TMEM132C: variants seen among roughly 807,000 people sequenced by gnomAD.
The protein encoded by TMEM132C is protein phosphatase 1, regulatory subunit 152.
TMEM132C carries 29 observed loss-of-function variants against 61.4 expected under a neutral mutation model. The ratio of observed to expected loss-of-function variants is 0.47; its 90% CI spans 0.35 to 0.64. The LOEUF is 0.64. Ranked by LOEUF, TMEM132C falls within the 30% of genes least tolerant of loss-of-function variation. The probability of loss-of-function intolerance (pLI) is 0.00; values close to 1 mark genes in which losing one functional copy is unlikely to be tolerated. For missense variants in TMEM132C, 1,408 were observed against 1,476.9 expected (o/e 0.95, Z 0.76); for synonymous variants, 656 against 633.1 (o/e 1.04, Z -0.54).
At chr12:128,531,313 A>C (rs961644827) in intron 2 of TMEM132C, among the ~76,000 whole-genome samples, 3 of 152,232 alleles carry the variant, frequency 2.0e-5, no homozygotes, top group African/African-American at 7.2e-5. Context: ...AAGGCAGCAA[A>C]AGGTAATGGC....
intron 2 of TMEM132C, among the ~76,000 whole-genome samples, chr12:128,530,011 G>A (rs563631298): frequency 1.1e-3 from 161 of 151,308 alleles, no homozygotes; most frequent in African/African-American, 3.8e-3. Context: ...TTGGCTAAAC[G>A]TCATGGGAGC....
At chr12:128,421,425 T>C (rs564860836) in intron 2 of TMEM132C, among the ~76,000 whole-genome samples, 158 of 152,328 alleles carry the variant, frequency 1.0e-3, no homozygotes, top group African/African-American at 3.7e-3. Context: ...ATGGAGGACA[T>C]GCAGGGAGAC....
At chr12:128,582,361 G>C (rs1489417) in intron 3 of TMEM132C, among the ~76,000 whole-genome samples, 116,302 of 151,340 alleles carry the variant, frequency 0.77, 46,066 homozygotes, top group Middle Eastern at 0.91. Context: ...GGGATGCAGG[G>C]AAAACAGACT....
chr12:128,696,822 G>A (rs1032505780), intron 7 of TMEM132C, among the ~76,000 whole-genome samples: 14 of 152,138 alleles, frequency 9.2e-5, no homozygotes, highest in African/African-American at 3.1e-4. Flanking sequence ...TTGTGGTGGT[G>A]GTGGGAGGAG....
At position 128,296,048 on chromosome 12, in the gene TMEM132C, C is replaced by A. The variant is rs181760908; in HGVS notation, c.85+28561C>A. Among the ~76,000 whole-genome samples the A allele has an allele frequency of 1.6e-4, 24 of 152,292 alleles. No individual in the cohort carries two copies. In the South Asian group the frequency reaches 4.4e-3, roughly 28 times the overall value. On this transcript the variant is annotated intron_variant, in intron 1 of 8. Transcript: ENST00000435159. Reference sequence around the variant, plus strand: ...CTCCCTTTCTTCCTAGTGTCCAAGTCCCTTTGTCTCTCTTTGTCCCCTATA... The same window carrying A: ...CTCCCTTTCTTCCTAGTGTCCAAGTACCTTTGTCTCTCTTTGTCCCCTATA...
At chr12:128,422,412 C>T (rs1257500430) in intron 2 of TMEM132C, among the ~76,000 whole-genome samples, 1 of 152,034 alleles carries the variant, frequency 6.6e-6, no homozygotes, top group African/African-American at 2.4e-5. Flanking sequence ...GAAATTGATA[C>T]CTAAAGAGCA....
At chr12:128,594,894 G>A (rs553534569) in intron 3 of TMEM132C, among the ~76,000 whole-genome samples, 19 of 152,284 alleles carry the variant, frequency 1.2e-4, no homozygotes, top group South Asian at 2.1e-4. Flanking sequence ...AGGTCCCCTC[G>A]GATTGCTTCA....
intron 4 of TMEM132C, among the ~76,000 whole-genome samples, chr12:128,640,824 C>T (rs945742709): frequency 1.3e-5 from 2 of 152,058 alleles, no homozygotes; most frequent in Non-Finnish European, 2.9e-5. Context: ...CAGGTTGGGC[C>T]GCAGTGAGCC....
At chr12:128,333,148 ATGTATGTGTGT>A (rs1187304448) in intron 1 of TMEM132C, among the ~76,000 whole-genome samples, 1 of 151,262 alleles carries the variant, frequency 6.6e-6, no homozygotes, top group Non-Finnish European at 1.5e-5. Flanking sequence ...ATGTGTGTGC[ATGTATGTGTGT>A]TGTGTGTGTG....
At chr12:128,429,747 T>C (rs1869321683) in intron 2 of TMEM132C, among the ~76,000 whole-genome samples, 1 of 152,198 alleles carries the variant, frequency 6.6e-6, no homozygotes, top group South Asian at 2.1e-4. Context: ...TATTCAAAGA[T>C]GGGGCTTACC....
chr12:128,544,592 T>A (rs1873885136), intron 3 of TMEM132C, among the ~76,000 whole-genome samples: 1 of 152,144 alleles, frequency 6.6e-6, no homozygotes, highest in African/African-American at 2.4e-5. Context: ...TGTTTTCTGG[T>A]TATAAAAGCA....
intron 2 of TMEM132C, among the ~76,000 whole-genome samples, chr12:128,534,442 G>A (rs749109116): frequency 6.6e-6 from 1 of 152,210 alleles, no homozygotes; most frequent in Non-Finnish European, 1.5e-5. Context: ...AGCAATAGCA[G>A]ACCCACAAAC....
intron 2 of TMEM132C, among the ~76,000 whole-genome samples, chr12:128,535,446 C>T (rs565345497): frequency 2.0e-5 from 3 of 152,270 alleles, no homozygotes; most frequent in East Asian, 1.9e-4. Context: ...ACAGACACTT[C>T]GCAAAAGAAG....
intron 1 of TMEM132C, among the ~76,000 whole-genome samples, chr12:128,357,082 C>T (rs1873529873): frequency 6.6e-6 from 1 of 152,188 alleles, no homozygotes; most frequent in South Asian, 2.1e-4. Context: ...TACAGAATTA[C>T]AGCATGTCTG....
chr12:128,600,888 TC>T (rs1218290213), intron 3 of TMEM132C, among the ~76,000 whole-genome samples: 1 of 152,032 alleles, frequency 6.6e-6, no homozygotes, highest in Non-Finnish European at 1.5e-5. Context: ...AAAAACTATA[TC>T]CCCCCAGGGC....
rs1370459443 is a variant in TMEM132C, at chr12:128,697,345, C to T, written c.2051C>T (p.Pro684Leu). 1.3e-6 allele frequency: 2 copies of T among 1,551,300 alleles called. No individual in the cohort carries two copies. The highest frequency in any genetic ancestry group is 1.7e-6 in the Non-Finnish European group (2 of 1,146,714). The change falls in exon 8 of 9, where the codon CCC (proline) becomes CTC (leucine). Residue 684 changes from proline to leucine, a missense_variant. Pro to Leu is a moderately conservative substitution (Grantham distance 98). Transcript: ENST00000435159. Reference sequence around the variant, plus strand: ...GCTGGGCTGTCTGTCGCCCTTTACCCCAACGCAGAAAACAGCAAGGCCGTA... The same window carrying T: ...GCTGGGCTGTCTGTCGCCCTTTACCTCAACGCAGAAAACAGCAAGGCCGTA... Reference protein sequence around the residue: ...LVAGLSVALYPNAENSKAVTA... With the variant: ...LVAGLSVALYLNAENSKAVTA...
At chr12:128,318,852 G>A (rs771609443) in intron 1 of TMEM132C, among the ~76,000 whole-genome samples, 1 of 152,162 alleles carries the variant, frequency 6.6e-6, no homozygotes, top group Non-Finnish European at 1.5e-5. Context: ...CTGAGTAGAA[G>A]TAATTTGTTG....
intron 1 of TMEM132C, among the ~76,000 whole-genome samples, chr12:128,280,907 GGGA>G (rs1870869948): frequency 1.3e-5 from 2 of 152,156 alleles, no homozygotes; most frequent in African/African-American, 4.8e-5. Context: ...AGGGAGCTGT[GGGA>G]GGAGTTCATA....
intron 3 of TMEM132C, among the ~76,000 whole-genome samples, chr12:128,554,149 A>G (rs1003783124): frequency 2.0e-5 from 3 of 152,238 alleles, no homozygotes; most frequent in Admixed American, 2.0e-4. Context: ...TGACACTTGT[A>G]ATTGTAGGAC....
Sources: gnomAD v4.1 joint callset for allele counts (sites outside exome capture counted in the v4.1 genomes callset) on GRCh38, gnomAD v4.1.1 for gene constraint, MANE v1.5 for transcripts, NCBI Gene and HGNC (gene_info 2026-07-23, HGNC 2026-07-21) for gene names.